Variants in TTC29 observed in about 807,000 individuals in gnomAD.
The protein encoded by TTC29 is tetratricopeptide repeat domain 29.
A neutral mutation model predicts 58.1 loss-of-function variants in TTC29; 49 were observed. That is an observed-to-expected ratio of 0.84 (90% CI 0.67 to 1.07). TTC29 has a LOEUF of 1.07. Ranked by LOEUF, TTC29 falls within the 50% of genes least tolerant of loss-of-function variation. TTC29 has a pLI of 0.00. For synonymous variants in TTC29, 209 were observed against 196.8 expected (o/e 1.06, Z -0.52); for missense variants, 582 against 555.6 (o/e 1.05, Z -0.48).
At chr4:146,805,703 A>G (rs1270289452) in intron 10 of TTC29, among the ~76,000 whole-genome samples, 1 of 152,036 alleles carries the variant, frequency 6.6e-6, no homozygotes, top group Non-Finnish European at 1.5e-5. Context: ...GAAGAAAAGG[A>G]ATAAATAAAG....
chr4:146,841,193 T>C (rs533117947), intron 8 of TTC29, among the ~76,000 whole-genome samples: 3 of 152,256 alleles, frequency 2.0e-5, no homozygotes, highest in East Asian at 1.9e-4. Flanking sequence ...CACCTCAACA[T>C]GTTTGGTGAA....
chr4:146,824,809 T>C (rs180802161), intron 9 of TTC29, among the ~76,000 whole-genome samples: 2 of 152,338 alleles, frequency 1.3e-5, no homozygotes, highest in East Asian at 3.9e-4. Context: ...GGGATCCAAC[T>C]TCTTCCTGGT....
chr4:146,818,039 T>C (rs1405025926), intron 10 of TTC29, among the ~76,000 whole-genome samples: 5 of 152,058 alleles, frequency 3.3e-5, no homozygotes, highest in Admixed American at 6.6e-5. Flanking sequence ...ACTTCATGTC[T>C]AAAACACCGA....
At chr4:146,731,592 A>T (rs940359910) in intron 11 of TTC29, among the ~76,000 whole-genome samples, 4 of 152,192 alleles carry the variant, frequency 2.6e-5, no homozygotes, top group Admixed American at 2.6e-4. Flanking sequence ...GCTAAAAAAA[A>T]GTAGTGTTTC....
chr4:146,917,614 T>A (rs1483910280), intron 4 of TTC29, among the ~76,000 whole-genome samples: 2 of 131,442 alleles, frequency 1.5e-5, no homozygotes, highest in East Asian at 2.3e-4. Flanking sequence ...TTATTTATAA[T>A]ATATAATTAG....
intron 11 of TTC29, among the ~76,000 whole-genome samples, chr4:146,785,984 T>TAC (rs149100538): frequency 0.04 from 5,976 of 149,362 alleles, 173 homozygotes; most frequent in Admixed American, 0.094. Context: ...TATATATGTG[T>TAC]ACACACACAC....
chr4:146,710,989 T>C (rs1301601905), intron 11 of TTC29, among the ~76,000 whole-genome samples: 1 of 152,148 alleles, frequency 6.6e-6, no homozygotes, highest in Non-Finnish European at 1.5e-5. Flanking sequence ...AAAAATGTTA[T>C]CTGTAGAGAA....
chr4:146,879,072 T>C (rs1017885348), intron 6 of TTC29, among the ~76,000 whole-genome samples: 8 of 152,142 alleles, frequency 5.3e-5, no homozygotes, highest in Non-Finnish European at 1.5e-5. Context: ...CCTTCTCATA[T>C]GTAGGGATTC....
chr4:146,895,124 CTCTA>C, intron 6 of TTC29, among the ~76,000 whole-genome samples: 1 of 152,320 alleles, frequency 6.6e-6, no homozygotes, highest in Middle Eastern at 3.4e-3. Context: ...TGACTTCCAA[CTCTA>C]TCTATGTCCC....
intron 11 of TTC29, among the ~76,000 whole-genome samples, chr4:146,751,248 T>G (rs1745967282): frequency 6.6e-6 from 1 of 152,190 alleles, no homozygotes. Flanking sequence ...GAAAAATAGA[T>G]AGCAGTACAA....
At chr4:146,818,270 A>C (rs1285025362) in intron 10 of TTC29, among the ~76,000 whole-genome samples, 4 of 152,208 alleles carry the variant, frequency 2.6e-5, no homozygotes, top group Non-Finnish European at 1.5e-5. Context: ...AAAAGTGGGC[A>C]AAGGATATGA....
At chr4:146,932,625 G>A (rs568252055) in intron 4 of TTC29, among the ~76,000 whole-genome samples, 3 of 152,122 alleles carry the variant, frequency 2.0e-5, no homozygotes, top group Admixed American at 6.5e-5. Context: ...GTTCATAAAA[G>A]CATCTTTGGA....
chr4:146,886,765 T>C (rs1049816926), intron 6 of TTC29, among the ~76,000 whole-genome samples: 4 of 152,092 alleles, frequency 2.6e-5, no homozygotes, highest in African/African-American at 9.7e-5. Context: ...GCTGAGCAAA[T>C]CCTTGCATAA....
At chr4:146,847,718 T>G (rs1191457274) in intron 8 of TTC29, among the ~76,000 whole-genome samples, 5 of 152,150 alleles carry the variant, frequency 3.3e-5, no homozygotes, top group Non-Finnish European at 5.9e-5. Flanking sequence ...GTGGAGAAAA[T>G]GCTGAGTGAG....
chr4:146,757,117 T>C (rs1396380334), intron 11 of TTC29, among the ~76,000 whole-genome samples: 6 of 152,080 alleles, frequency 3.9e-5, no homozygotes, highest in African/African-American at 7.2e-5. Context: ...TGTTTTGTCA[T>C]ATTATCAGGG....
chr4:146,881,683 G>A (rs959604834), intron 6 of TTC29, among the ~76,000 whole-genome samples: 4 of 151,876 alleles, frequency 2.6e-5, no homozygotes, highest in Non-Finnish European at 5.9e-5. Flanking sequence ...TAATTATAAC[G>A]GCACTACACA....
At chr4:146,724,303 T>A (rs770753961) in intron 11 of TTC29, among the ~76,000 whole-genome samples, 20 of 152,182 alleles carry the variant, frequency 1.3e-4, no homozygotes, top group Non-Finnish European at 2.5e-4. Context: ...TGGGATCTAT[T>A]TATTGCATAC....
intron 11 of TTC29, among the ~76,000 whole-genome samples, chr4:146,781,205 C>A (rs765685638): frequency 1.3e-5 from 2 of 151,874 alleles, no homozygotes; most frequent in Non-Finnish European, 2.9e-5. Flanking sequence ...ACAATAAAAT[C>A]TATAATGATA....
intron 8 of TTC29, among the ~76,000 whole-genome samples, chr4:146,844,860 T>C (rs1729068189): frequency 6.6e-6 from 1 of 152,160 alleles, no homozygotes; most frequent in Non-Finnish European, 1.5e-5. Flanking sequence ...TCATGTCCTC[T>C]TAGAGAGTTC....
Sources: gnomAD v4.1 joint callset for allele counts (sites outside exome capture counted in the v4.1 genomes callset) on GRCh38, gnomAD v4.1.1 for gene constraint, MANE v1.5 for transcripts, NCBI Gene and HGNC (gene_info 2026-07-23, HGNC 2026-07-21) for gene names.